The following HYCC2 variants were observed in gnomAD, a reference collection of about 807,000 sequenced individuals.
HYCC2 encodes hyccin PI4KA lipid kinase complex subunit 2.
At chr2:200,992,950 C>G in the HYCC2 span, 44 of 1,613,884 alleles carry the variant, frequency 2.7e-5, no homozygotes, top group Non-Finnish European at 3.6e-5. Flanking sequence ...TATTCGACCA[C>G]AGAGTTCTTT....
the HYCC2 span, chr2:200,978,863 G>A: frequency 5.3e-5 from 8 of 152,116 alleles, no homozygotes; most frequent in South Asian, 1.7e-3. Context: ...TCTAACATTT[G>A]CTGTGATTTG....
the HYCC2 span, among the ~76,000 whole-genome samples, chr2:201,048,932 C>A: frequency 6.6e-6 from 1 of 151,556 alleles, no homozygotes; most frequent in African/African-American, 2.4e-5. Context: ...GGCAACATGG[C>A]GAAACCCATT....
the HYCC2 span, among the ~76,000 whole-genome samples, chr2:201,059,852 C>A: frequency 6.6e-6 from 1 of 152,092 alleles, no homozygotes; most frequent in Non-Finnish European, 1.5e-5. Flanking sequence ...TGAAGACCAG[C>A]CTGGCCAACA....
At chr2:201,005,528 C>G in the HYCC2 span, among the ~76,000 whole-genome samples, 2 of 152,192 alleles carry the variant, frequency 1.3e-5, no homozygotes, top group Non-Finnish European at 2.9e-5. Context: ...ATCTTTATGT[C>G]AGAATTCCTA....
At chr2:200,996,214 G>A in the HYCC2 span, 1 of 152,014 alleles carries the variant, frequency 6.6e-6, no homozygotes, top group African/African-American at 2.4e-5. Flanking sequence ...TTTTTGTATA[G>A]AGACAGGGTT....
chr2:201,043,769 A>G, the HYCC2 span, among the ~76,000 whole-genome samples: 1 of 152,092 alleles, frequency 6.6e-6, no homozygotes, highest in African/African-American at 2.4e-5. Flanking sequence ...CAGCCTCCCA[A>G]AGTGCTGGGA....
At chr2:201,022,531 G>A in the HYCC2 span, 4 of 233,862 alleles carry the variant, frequency 1.7e-5, no homozygotes, top group African/African-American at 7.0e-5. Context: ...TTCCAGAGCA[G>A]GAAACATTCC....
the HYCC2 span, among the ~76,000 whole-genome samples, chr2:201,035,027 C>T: frequency 1.3e-5 from 2 of 152,086 alleles, no homozygotes; most frequent in African/African-American, 4.8e-5. Context: ...CTCTGGCTGT[C>T]CTTCACATTT....
chr2:201,047,541 T>C, the HYCC2 span, among the ~76,000 whole-genome samples: 56 of 150,618 alleles, frequency 3.7e-4, no homozygotes. Context: ...AAAGAATAAC[T>C]GGGAGTTTTC....
chr2:201,030,352 A>G, the HYCC2 span, among the ~76,000 whole-genome samples: 12 of 152,100 alleles, frequency 7.9e-5, no homozygotes, highest in Admixed American at 7.2e-4. Context: ...TTAAAATATC[A>G]TAAATAGATG....
At chr2:201,050,864 G>A in the HYCC2 span, among the ~76,000 whole-genome samples, 1 of 152,090 alleles carries the variant, frequency 6.6e-6, no homozygotes, top group Non-Finnish European at 1.5e-5. Flanking sequence ...GAACCCAGGA[G>A]GCGGAGGTTG....
At chr2:201,026,585 G>A in the HYCC2 span, among the ~76,000 whole-genome samples, 1 of 152,202 alleles carries the variant, frequency 6.6e-6, no homozygotes, top group Non-Finnish European at 1.5e-5. Context: ...CTCAGCAAAT[G>A]TAAAAGAACA....
chr2:201,024,443 C>G, the HYCC2 span, among the ~76,000 whole-genome samples: 1 of 152,116 alleles, frequency 6.6e-6, no homozygotes, highest in East Asian at 1.9e-4. Context: ...GAGCTATGAT[C>G]GTGCCACTGC....
At chr2:201,031,195 G>T in the HYCC2 span, among the ~76,000 whole-genome samples, 1 of 151,990 alleles carries the variant, frequency 6.6e-6, no homozygotes, top group African/African-American at 2.4e-5. Context: ...TTCCTGCTCT[G>T]TTTATAAAGC....
At chr2:201,067,147 G>C in the HYCC2 span, 2 of 233,216 alleles carry the variant, frequency 8.6e-6, no homozygotes, top group African/African-American at 4.6e-5. Context: ...ACTGGCTCCT[G>C]ATTATGATGC....
chr2:201,048,510 T>C, the HYCC2 span, among the ~76,000 whole-genome samples: 1 of 151,572 alleles, frequency 6.6e-6, no homozygotes, highest in Non-Finnish European at 1.5e-5. Flanking sequence ...TTTGCAATTT[T>C]TTTTTTTTTT....
the HYCC2 span, among the ~76,000 whole-genome samples, chr2:201,068,055 C>T: frequency 2.0e-5 from 3 of 152,106 alleles, no homozygotes; most frequent in Non-Finnish European, 1.5e-5. Flanking sequence ...GAGGCCGAGG[C>T]AGGCGGATCA....
At chr2:201,010,670 G>A in the HYCC2 span, among the ~76,000 whole-genome samples, 1 of 151,906 alleles carries the variant, frequency 6.6e-6, no homozygotes, top group South Asian at 2.1e-4. Context: ...CTTTTAAGTA[G>A]TTATTTTCCT....
chr2:200,984,222 T>C, the HYCC2 span, among the ~76,000 whole-genome samples: 1 of 152,088 alleles, frequency 6.6e-6, no homozygotes, highest in African/African-American at 2.4e-5. Flanking sequence ...GTATATTTTG[T>C]AGAGATGGGG....
Sources: gnomAD v4.1 joint callset for allele counts (sites outside exome capture counted in the v4.1 genomes callset) on GRCh38, gnomAD v4.1.1 for gene constraint, MANE v1.5 for transcripts, NCBI Gene and HGNC (gene_info 2026-07-23, HGNC 2026-07-21) for gene names.